Variants in DCC observed in about 807,000 individuals in gnomAD.
The protein encoded by DCC is netrin receptor DCC.
A neutral mutation model predicts 172.5 loss-of-function variants in DCC; 58 were observed. The ratio of observed to expected loss-of-function variants is 0.34; its 90% confidence interval spans 0.27 to 0.42. DCC has a LOEUF of 0.42. Among genes scored for constraint, DCC ranks in the 10% least tolerant of loss-of-function variants. The pLI, the probability that DCC is intolerant of heterozygous loss-of-function variation, is 1.00. For missense variants in DCC, 1,740 were observed against 1,791.0 expected, an observed-to-expected ratio of 0.97 and a Z score of 0.51; for synonymous variants, 709 against 644.5, an observed-to-expected ratio of 1.10 and a Z score of -1.52.
intron 8 of DCC, among the ~76,000 whole-genome samples, chr18:53,169,887 A>G (rs902135742): frequency 6.6e-6 from 1 of 152,178 alleles, no homozygotes. Flanking sequence ...TTACTGCTTC[A>G]TGGAAAATTT....
chr18:52,574,844 AAC>A (rs1369570802), intron 1 of DCC, among the ~76,000 whole-genome samples: 1 of 152,144 alleles, frequency 6.6e-6, no homozygotes, highest in African/African-American at 2.4e-5. Context: ...TGACTGTGAG[AAC>A]AGTGTCCAAT....
intron 14 of DCC, among the ~76,000 whole-genome samples, chr18:53,328,894 A>G (rs1480444245): frequency 6.6e-6 from 1 of 152,180 alleles, no homozygotes; most frequent in Admixed American, 6.5e-5. Context: ...TCTGACAGTA[A>G]TATGAAATAC....
chr18:53,371,215 ATCTG>A (rs1020481656), intron 15 of DCC, among the ~76,000 whole-genome samples: 1 of 151,980 alleles, frequency 6.6e-6, no homozygotes, highest in Non-Finnish European at 1.5e-5. Flanking sequence ...TGACAAGATC[ATCTG>A]TCTATTTGCA....
intron 2 of DCC, among the ~76,000 whole-genome samples, chr18:52,786,010 C>T (rs1340944679): frequency 6.6e-6 from 1 of 152,076 alleles, no homozygotes; most frequent in East Asian, 1.9e-4. Flanking sequence ...AACTCTGTGT[C>T]CACTATTCCA....
chr18:53,240,159 ATTAC>A (rs1453149833), intron 12 of DCC, among the ~76,000 whole-genome samples: 1 of 152,010 alleles, frequency 6.6e-6, no homozygotes, highest in Non-Finnish European at 1.5e-5. Context: ...GAAAGTTATA[ATTAC>A]TTTTATATTA....
intron 1 of DCC, among the ~76,000 whole-genome samples, chr18:52,749,879 C>G (rs887690285): frequency 6.6e-6 from 1 of 152,148 alleles, no homozygotes; most frequent in Admixed American, 6.5e-5. Context: ...TCTTGAATTT[C>G]AAATTTATTT....
intron 2 of DCC, among the ~76,000 whole-genome samples, chr18:52,832,815 T>G (rs1353822417): frequency 6.6e-6 from 1 of 152,156 alleles, no homozygotes; most frequent in African/African-American, 2.4e-5. Context: ...GTTTGCCAGT[T>G]TGGGGTACAC....
intron 26 of DCC, among the ~76,000 whole-genome samples, chr18:53,492,423 G>A (rs1469992901): frequency 1.3e-5 from 2 of 152,076 alleles, no homozygotes; most frequent in Non-Finnish European, 2.9e-5. Context: ...TTCTTCTAGG[G>A]TTTTTATGGT....
intron 28 of DCC, among the ~76,000 whole-genome samples, chr18:53,527,649 A>AAACTC (rs1568188782): frequency 1.3e-5 from 2 of 152,026 alleles, no homozygotes; most frequent in South Asian, 2.1e-4. Flanking sequence ...TCCAGTTAGA[A>AAACTC]AACTCAGAAG....
At chr18:53,241,818 C>T (rs956994902) in intron 12 of DCC, among the ~76,000 whole-genome samples, 1 of 152,104 alleles carries the variant, frequency 6.6e-6, no homozygotes, top group African/African-American at 2.4e-5. Flanking sequence ...CCAGGCAAAG[C>T]CTTTTTGACT....
At chr18:52,853,599 C>T (rs2039009522) in intron 2 of DCC, among the ~76,000 whole-genome samples, 1 of 152,166 alleles carries the variant, frequency 6.6e-6, no homozygotes, top group Non-Finnish European at 1.5e-5. Context: ...TTTCTCTGTT[C>T]TCTGTTTACC....
At chr18:53,338,269 C>A (rs1599038097) in intron 14 of DCC, among the ~76,000 whole-genome samples, 1 of 152,166 alleles carries the variant, frequency 6.6e-6, no homozygotes, top group South Asian at 2.1e-4. Context: ...ACATTACAGG[C>A]ACCTAGGCTC....
chr18:53,384,590 A>T (rs1908000664), intron 15 of DCC, among the ~76,000 whole-genome samples: 1 of 151,890 alleles, frequency 6.6e-6, no homozygotes, highest in South Asian at 2.1e-4. Flanking sequence ...CATGTCTAAA[A>T]TTTTTTAATT....
intron 27 of DCC, among the ~76,000 whole-genome samples, chr18:53,504,995 C>CAGTT (rs1297149122): frequency 6.6e-6 from 1 of 152,096 alleles, no homozygotes; most frequent in Non-Finnish European, 1.5e-5. Context: ...GTGATGTTAA[C>CAGTT]AGTTATTCTT....
chr18:53,196,050 G>A (rs1017237257), intron 9 of DCC, among the ~76,000 whole-genome samples: 5 of 152,120 alleles, frequency 3.3e-5, no homozygotes, highest in African/African-American at 7.2e-5. Flanking sequence ...AATCACAATG[G>A]GGAGTAATGA....
chr18:52,607,894 G>A (rs1321755406), intron 1 of DCC, among the ~76,000 whole-genome samples: 1 of 152,112 alleles, frequency 6.6e-6, no homozygotes, highest in Non-Finnish European at 1.5e-5. Flanking sequence ...CTTGAGTAGG[G>A]CCTTGAAATT....
chr18:52,941,096 T>G (rs2040454158), intron 5 of DCC: 1 of 152,142 alleles, frequency 6.6e-6, no homozygotes, highest in South Asian at 2.1e-4. Context: ...TGAAGGATAT[T>G]AGTAACTGAA....
At chr18:52,711,834 C>T (rs186047181) in intron 1 of DCC, among the ~76,000 whole-genome samples, 15 of 152,270 alleles carry the variant, frequency 9.9e-5, no homozygotes, top group African/African-American at 3.6e-4. Context: ...GCTTTGCTAA[C>T]AATGCCTGAC....
chr18:53,433,436 C>T (rs1328952997), intron 21 of DCC, among the ~76,000 whole-genome samples: 2 of 152,122 alleles, frequency 1.3e-5, no homozygotes, highest in Admixed American at 6.5e-5. Flanking sequence ...AATTTCCAGC[C>T]GATACAGGAT....
Sources: allele counts gnomAD v4.1 joint callset (sites outside exome capture counted in the v4.1 genomes callset), GRCh38; gene constraint gnomAD v4.1.1; transcripts MANE v1.5; gene names NCBI Gene and HGNC (gene_info 2026-07-23, HGNC 2026-07-21).